MACROD2: variants seen among roughly 807,000 people sequenced by gnomAD.
MACROD2 encodes ADP-ribose glycohydrolase MACROD2.
A neutral mutation model predicts 70.4 loss-of-function variants in MACROD2; 36 were observed. The observed-to-expected ratio is 0.51, with a 90% CI of 0.39 to 0.68. The LOEUF is 0.68. MACROD2 is among the 30% of genes least tolerant of loss of function. The pLI, the probability that MACROD2 is intolerant of heterozygous loss-of-function variation, is 0.00. For synonymous variants in MACROD2, 172 were observed against 178.8 expected (o/e 0.96, Z 0.30); for missense variants, 496 against 538.4 (o/e 0.92, Z 0.78).
intron 8 of MACROD2, among the ~76,000 whole-genome samples, chr20:15,677,159 G>A (rs1387598805): frequency 6.6e-6 from 1 of 152,134 alleles, no homozygotes; most frequent in African/African-American, 2.4e-5. Context: ...GCTATTAAAG[G>A]CTGTAGTTTT....
intron 6 of MACROD2, among the ~76,000 whole-genome samples, chr20:15,296,558 A>G (rs2077590908): frequency 1.3e-5 from 2 of 152,190 alleles, no homozygotes; most frequent in Non-Finnish European, 2.9e-5. Context: ...CATACATGGC[A>G]TTTTAATTTT....
chr20:15,827,572 TAGA>T (rs980342193), intron 8 of MACROD2, among the ~76,000 whole-genome samples: 7 of 152,208 alleles, frequency 4.6e-5, no homozygotes, highest in African/African-American at 1.4e-4. Context: ...TACATACCTT[TAGA>T]AGAAGAATAA....
chr20:15,638,788 T>G (rs1345367), intron 8 of MACROD2, among the ~76,000 whole-genome samples: 93,008 of 151,966 alleles, frequency 0.61, 29,506 homozygotes, highest in Non-Finnish European at 0.71. Flanking sequence ...AGGGGCCAGG[T>G]GGTTAACTTT....
chr20:14,697,882 G>A (rs1257850269), intron 5 of MACROD2, among the ~76,000 whole-genome samples: 1 of 152,156 alleles, frequency 6.6e-6, no homozygotes, highest in Non-Finnish European at 1.5e-5. Flanking sequence ...TCTAGGCAGT[G>A]CCTAAGAACT....
chr20:15,377,791 G>A (rs1030303071), intron 6 of MACROD2, among the ~76,000 whole-genome samples: 2 of 152,200 alleles, frequency 1.3e-5, no homozygotes, highest in East Asian at 3.8e-4. Context: ...CAGAGAGTCT[G>A]TAGTGAGCCA....
intron 13 of MACROD2, among the ~76,000 whole-genome samples, chr20:15,985,365 T>C (rs2147464949): frequency 6.6e-6 from 1 of 152,104 alleles, no homozygotes; most frequent in Non-Finnish European, 1.5e-5. Flanking sequence ...TCAAGACAAG[T>C]CAAAACCAAA....
chr20:14,650,458 G>T (rs747148672), intron 4 of MACROD2, among the ~76,000 whole-genome samples: 1 of 152,166 alleles, frequency 6.6e-6, no homozygotes, highest in African/African-American at 2.4e-5. Context: ...TTGTAAAAAT[G>T]ATTAAGGAGA....
At chr20:14,340,366 T>C (rs994768391) in intron 3 of MACROD2, among the ~76,000 whole-genome samples, 9 of 152,120 alleles carry the variant, frequency 5.9e-5, no homozygotes, top group Non-Finnish European at 1.2e-4. Context: ...GCCTGACTCA[T>C]AGTAAGTGCT....
intron 5 of MACROD2, among the ~76,000 whole-genome samples, chr20:14,926,546 CA>C (rs59492795): frequency 3.1e-3 from 427 of 136,930 alleles, no homozygotes; most frequent in Non-Finnish European, 3.3e-3. Context: ...AAGACTCCGT[CA>C]AAAAAAAAAA....
At chr20:14,420,021 A>C (rs925005297) in intron 3 of MACROD2, among the ~76,000 whole-genome samples, 1 of 152,116 alleles carries the variant, frequency 6.6e-6, no homozygotes, top group Admixed American at 6.5e-5. Context: ...TATATCTACG[A>C]TAATTTTCTT....
At chr20:15,207,252 C>G (rs575175857) in intron 5 of MACROD2, among the ~76,000 whole-genome samples, 8 of 152,186 alleles carry the variant, frequency 5.3e-5, no homozygotes, top group African/African-American at 1.7e-4. Context: ...CTGGTCTGCT[C>G]ATGACAAATT....
chr20:15,769,609 G>T (rs2051588449), intron 8 of MACROD2, among the ~76,000 whole-genome samples: 13 of 152,142 alleles, frequency 8.5e-5, no homozygotes, highest in Admixed American at 8.5e-4. Flanking sequence ...CTGACATTAT[G>T]ATGGCTATGA....
intron 8 of MACROD2, among the ~76,000 whole-genome samples, chr20:15,532,715 G>A (rs1448687223): frequency 6.6e-6 from 1 of 151,498 alleles, no homozygotes; most frequent in Non-Finnish European, 1.5e-5. Flanking sequence ...CATATTAAAT[G>A]TATTGCCCTC....
intron 10 of MACROD2, among the ~76,000 whole-genome samples, chr20:15,895,870 A>G (rs1413723323): frequency 3.3e-5 from 5 of 152,238 alleles, no homozygotes; most frequent in African/African-American, 7.2e-5. Context: ...CACATGGTTC[A>G]TTCTCAGGAT....
At chr20:14,429,306 T>A (rs985550422) in intron 3 of MACROD2, among the ~76,000 whole-genome samples, 1 of 152,184 alleles carries the variant, frequency 6.6e-6, no homozygotes, top group African/African-American at 2.4e-5. Context: ...CCTTTAAATG[T>A]CCACAGTGCT....
At chr20:14,490,878 C>T (rs1259886502) in intron 3 of MACROD2, among the ~76,000 whole-genome samples, 2 of 152,128 alleles carry the variant, frequency 1.3e-5, no homozygotes, top group Non-Finnish European at 2.9e-5. Flanking sequence ...ACAAATCCCT[C>T]TTGTATTAAT....
chr20:14,888,977 C>A (rs1052062518), intron 5 of MACROD2, among the ~76,000 whole-genome samples: 1 of 152,068 alleles, frequency 6.6e-6, no homozygotes, highest in African/African-American at 2.4e-5. Context: ...TAATCTTAAA[C>A]AAAAGGCATC....
chr20:15,693,686 AC>A (rs2050326563), intron 8 of MACROD2, among the ~76,000 whole-genome samples: 1 of 151,888 alleles, frequency 6.6e-6, no homozygotes, highest in South Asian at 2.1e-4. Context: ...TCATGTTGTC[AC>A]TCGTTTCTTT....
At chr20:15,044,993 A>G (rs1484772442) in intron 5 of MACROD2, among the ~76,000 whole-genome samples, 1 of 152,200 alleles carries the variant, frequency 6.6e-6, no homozygotes, top group East Asian at 1.9e-4. Flanking sequence ...AGTTTTCTAC[A>G]AAACAGTCAT....
Sources: allele counts gnomAD v4.1 joint callset (sites outside exome capture counted in the v4.1 genomes callset), GRCh38; gene constraint gnomAD v4.1.1; transcripts MANE v1.5; gene names NCBI Gene and HGNC (gene_info 2026-07-23, HGNC 2026-07-21).